PTPRM: variants seen among roughly 807,000 people sequenced by gnomAD.
The protein encoded by PTPRM is receptor-type tyrosine-protein phosphatase mu.
PTPRM carries 47 observed loss-of-function variants against 186.7 expected under a neutral mutation model. The observed-to-expected ratio is 0.25, with a 90% confidence interval of 0.20 to 0.32. The LOEUF (loss-of-function observed/expected upper bound fraction) is 0.32, where lower values mean the gene tolerates loss of function less well. Among genes scored for constraint, PTPRM ranks in the 10% least tolerant of loss-of-function variants. PTPRM has a pLI of 1.00. For synonymous variants in PTPRM, 668 were observed against 674.9 expected, an observed-to-expected ratio of 0.99 and a Z score of 0.16; for missense variants, 1,494 against 1,865.0, an observed-to-expected ratio of 0.80 and a Z score of 3.66.
chr18:7,617,650 G>T (rs1036587199), intron 1 of PTPRM, among the ~76,000 whole-genome samples: 3 of 152,226 alleles, frequency 2.0e-5, no homozygotes, highest in African/African-American at 7.2e-5. Context: ...TTTAAAGAGG[G>T]TTTGCACCAA....
At chr18:8,281,826 A>G (rs2094907152) in intron 19 of PTPRM, among the ~76,000 whole-genome samples, 1 of 152,168 alleles carries the variant, frequency 6.6e-6, no homozygotes, top group Non-Finnish European at 1.5e-5. Flanking sequence ...TAATTATCAG[A>G]CATTACAGGT....
chr18:8,323,268 A>G (rs566017098), intron 22 of PTPRM, among the ~76,000 whole-genome samples: 1 of 152,262 alleles, frequency 6.6e-6, no homozygotes, highest in Non-Finnish European at 1.5e-5. Context: ...CCTCACTTCT[A>G]AGTGAGCATT....
At chr18:7,736,049 A>C (rs1394312741) in intron 1 of PTPRM, among the ~76,000 whole-genome samples, 1 of 152,092 alleles carries the variant, frequency 6.6e-6, no homozygotes, top group Admixed American at 6.6e-5. Context: ...TACCTCAGGC[A>C]TATGTTCTCA....
intron 20 of PTPRM, among the ~76,000 whole-genome samples, chr18:8,314,236 T>G (rs554187386): frequency 9.5e-4 from 144 of 152,304 alleles, no homozygotes; most frequent in Non-Finnish European, 1.5e-3. Flanking sequence ...GCTTGGTGCC[T>G]TTATTTCCTG....
At chr18:7,983,266 T>C (rs535061263) in intron 7 of PTPRM, among the ~76,000 whole-genome samples, 1 of 152,056 alleles carries the variant, frequency 6.6e-6, no homozygotes, top group South Asian at 2.1e-4. Context: ...GAACTGTGCA[T>C]GCGAGGGATC....
chr18:7,993,799 G>A (rs966634112), intron 7 of PTPRM, among the ~76,000 whole-genome samples: 9 of 152,050 alleles, frequency 5.9e-5, no homozygotes, highest in Middle Eastern at 3.2e-3. Flanking sequence ...ATAACTTATT[G>A]AAAGAGCAGA....
intron 2 of PTPRM, among the ~76,000 whole-genome samples, chr18:7,880,560 C>A (rs2048456251): frequency 6.6e-6 from 1 of 152,186 alleles, no homozygotes; most frequent in Non-Finnish European, 1.5e-5. Flanking sequence ...ATCTGGTCTG[C>A]AGAATGTGAA....
chr18:7,626,241 T>C (rs2038059307), intron 1 of PTPRM, among the ~76,000 whole-genome samples: 2 of 152,192 alleles, frequency 1.3e-5, no homozygotes, highest in African/African-American at 4.8e-5. Context: ...AATCAGGTAA[T>C]ATGACATAGG....
chr18:8,401,646 C>T (rs926423694), intron 32 of PTPRM, among the ~76,000 whole-genome samples: 4 of 152,244 alleles, frequency 2.6e-5, no homozygotes, highest in Non-Finnish European at 5.9e-5. Flanking sequence ...TTGAAGTGCC[C>T]ACGCTGGCCG....
intron 11 of PTPRM, among the ~76,000 whole-genome samples, chr18:8,099,249 C>T (rs1448423146): frequency 6.6e-6 from 1 of 151,972 alleles, no homozygotes; most frequent in Non-Finnish European, 1.5e-5. Flanking sequence ...GGCCCCCTGC[C>T]CATCTGTGTC....
At chr18:8,334,072 G>A (rs2095425812) in intron 22 of PTPRM, among the ~76,000 whole-genome samples, 2 of 152,304 alleles carry the variant, frequency 1.3e-5, no homozygotes, top group South Asian at 4.1e-4. Context: ...TCTTGGGCTG[G>A]AGTAGGTGCC....
chr18:7,742,578 C>T (rs562163205), intron 1 of PTPRM, among the ~76,000 whole-genome samples: 1 of 152,298 alleles, frequency 6.6e-6, no homozygotes, highest in African/African-American at 2.4e-5. Flanking sequence ...GTGGTTCACT[C>T]TTGTAATCCC....
At chr18:8,140,155 A>C (rs548046852) in intron 13 of PTPRM, among the ~76,000 whole-genome samples, 1 of 152,280 alleles carries the variant, frequency 6.6e-6, no homozygotes, top group East Asian at 1.9e-4. Context: ...GGGTGAAAGC[A>C]GCCCGTGCTG....
intron 9 of PTPRM, among the ~76,000 whole-genome samples, chr18:8,081,509 G>A (rs1053729881): frequency 3.9e-5 from 6 of 152,290 alleles, no homozygotes; most frequent in Middle Eastern, 3.4e-3. Context: ...TACTTAACAG[G>A]CACTTAATAA....
intron 2 of PTPRM, among the ~76,000 whole-genome samples, chr18:7,801,765 T>C (rs2043982974): frequency 1.3e-5 from 2 of 152,176 alleles, no homozygotes; most frequent in South Asian, 4.1e-4. Flanking sequence ...CACTAGGCGA[T>C]AGGAATTTTT....
intron 14 of PTPRM, among the ~76,000 whole-genome samples, chr18:8,146,025 C>CTTTTTTT (rs33980345): frequency 1.8e-5 from 2 of 109,882 alleles, no homozygotes; most frequent in African/African-American, 3.3e-5. Flanking sequence ...TCTTTCTTTT[C>CTTTTTTT]TTTTTTTTTT....
At chr18:7,857,886 G>A (rs945424339) in intron 2 of PTPRM, among the ~76,000 whole-genome samples, 3 of 152,150 alleles carry the variant, frequency 2.0e-5, no homozygotes, top group African/African-American at 7.2e-5. Context: ...CAAAGATAAA[G>A]AAGCAAATGA....
chr18:7,989,846 G>A (rs2083168341), intron 7 of PTPRM, among the ~76,000 whole-genome samples: 1 of 152,092 alleles, frequency 6.6e-6, no homozygotes, highest in Admixed American at 6.6e-5. Flanking sequence ...CTTTTGTGAA[G>A]CTCTTCAAAG....
intron 2 of PTPRM, among the ~76,000 whole-genome samples, chr18:7,855,030 C>T (rs2047029391): frequency 6.6e-6 from 1 of 152,164 alleles, no homozygotes; most frequent in South Asian, 2.1e-4. Context: ...TATTTAAAGG[C>T]TTCCAGGGGA....
Sources: gnomAD v4.1 joint callset for allele counts (sites outside exome capture counted in the v4.1 genomes callset) on GRCh38, gnomAD v4.1.1 for gene constraint, MANE v1.5 for transcripts, NCBI Gene and HGNC (gene_info 2026-07-23, HGNC 2026-07-21) for gene names.